Variants in ZNF423 observed in about 807,000 individuals in gnomAD.
ZNF423 encodes the protein zinc finger protein 423.
A neutral mutation model predicts 95.8 loss-of-function variants in ZNF423; 12 were observed. The ratio of observed to expected loss-of-function variants is 0.13; its 90% CI spans 0.08 to 0.20. ZNF423 has a LOEUF of 0.20. Ranked by LOEUF, ZNF423 falls within the 10% of genes least tolerant of loss-of-function variation. ZNF423 has a pLI of 1.00. For missense variants in ZNF423, 1,316 were observed against 1,737.1 expected (o/e 0.76, Z 4.31); for synonymous variants, 749 against 711.9 (o/e 1.05, Z -0.83).
rs546244717 is a variant in ZNF423 at position 49,704,304 on chromosome 16, C to G, written c.301+26467G>C. Among the ~76,000 whole-genome samples, 100 of 152,242 alleles carry G rather than the reference C, an allele frequency of 6.6e-4. 1 individual carries two copies. The highest frequency in any genetic ancestry group is 2.4e-3 in the African/African-American group (98 of 41,556). On this transcript the variant is annotated intron_variant, in intron 3 of 7. Transcript: ENST00000563137. ...CCACGAAAACTCCCACTAAGCATGC[C>G]ACACCTATAACAGGAAATCCAGAGG...
chr16:49,530,443 C>T (rs1968797592), intron 5 of ZNF423, among the ~76,000 whole-genome samples: 3 of 152,174 alleles, frequency 2.0e-5, no homozygotes, highest in Non-Finnish European at 2.9e-5. Flanking sequence ...TCATTCCCTC[C>T]GTCCCTCCCT....
chr16:49,708,013 C>T (rs1224960213), intron 3 of ZNF423: 3 of 154,318 alleles, frequency 1.9e-5, no homozygotes, highest in Non-Finnish European at 4.4e-5. Context: ...GGCAAAACAT[C>T]TGGAGTTCAT....
chr16:49,840,751 G>A (rs2035174455), intron 1 of ZNF423, among the ~76,000 whole-genome samples: 2 of 152,030 alleles, frequency 1.3e-5, no homozygotes, highest in Non-Finnish European at 2.9e-5. Flanking sequence ...TCACACACAT[G>A]CACACACATA....
intron 5 of ZNF423, among the ~76,000 whole-genome samples, chr16:49,554,114 C>T (rs1969742098): frequency 6.6e-6 from 1 of 152,190 alleles, no homozygotes; most frequent in African/African-American, 2.4e-5. Flanking sequence ...GAACAGGATG[C>T]ATCCATGCTG....
At chr16:49,791,036 TTCC>T (rs1369306327) in intron 1 of ZNF423, among the ~76,000 whole-genome samples, 1 of 147,526 alleles carries the variant, frequency 6.8e-6, no homozygotes, top group Non-Finnish European at 1.5e-5. Context: ...AACCATGGTC[TTCC>T]TCCTCCCCAA....
intron 1 of ZNF423, among the ~76,000 whole-genome samples, chr16:49,822,119 T>G (rs564599082): frequency 6.6e-6 from 1 of 151,712 alleles, no homozygotes; most frequent in East Asian, 1.9e-4. Context: ...CAGGAGACTG[T>G]GGGAGTATTT....
intron 3 of ZNF423, among the ~76,000 whole-genome samples, chr16:49,652,081 C>T (rs1324423722): frequency 2.0e-5 from 3 of 152,068 alleles, no homozygotes; most frequent in Non-Finnish European, 4.4e-5. Flanking sequence ...GTACTGGGAG[C>T]CATCCATGGC....
chr16:49,734,215 C>T (rs557322790), intron 2 of ZNF423, among the ~76,000 whole-genome samples: 1 of 152,180 alleles, frequency 6.6e-6, no homozygotes, highest in Non-Finnish European at 1.5e-5. Flanking sequence ...ATGATTGGAC[C>T]TTCCCTACTC....
At chr16:49,747,211 G>A (rs1416474767) in intron 2 of ZNF423, among the ~76,000 whole-genome samples, 4 of 152,102 alleles carry the variant, frequency 2.6e-5, no homozygotes, top group Admixed American at 1.3e-4. Context: ...ACAGCAGATC[G>A]ATAGATAGAT....
In ZNF423 at chr16:49,775,383, C is replaced by T. The variant is rs147279473; in HGVS notation, c.100+14104G>A. Among the ~76,000 whole-genome samples the T allele has an allele frequency of 7.9e-5, 12 of 152,264 alleles. No individual in the cohort carries two copies. In the East Asian group the frequency reaches 2.1e-3, roughly 27 times the overall value. On this transcript the variant is annotated intron_variant, in intron 2 of 7. Transcript: ENST00000563137. ...AGGCTCAAAGGCATCCTGACCCTTC[C>T]CTTAGGTTTTGACATAATTAGTCTC...
intron 5 of ZNF423, among the ~76,000 whole-genome samples, chr16:49,537,910 C>T (rs1239604217): frequency 6.6e-6 from 1 of 152,190 alleles, no homozygotes; most frequent in Non-Finnish European, 1.5e-5. Flanking sequence ...GTGGGCCCAG[C>T]ACACAGGGAC....
intron 1 of ZNF423, among the ~76,000 whole-genome samples, chr16:49,812,745 T>C (rs1262198963): frequency 6.6e-6 from 1 of 152,176 alleles, no homozygotes; most frequent in Non-Finnish European, 1.5e-5. Flanking sequence ...TTTGGAATCA[T>C]TTCTCACAGT....
chr16:49,745,588 G>T (rs1458327036), intron 2 of ZNF423, among the ~76,000 whole-genome samples: 1 of 152,224 alleles, frequency 6.6e-6, no homozygotes, highest in East Asian at 1.9e-4. Flanking sequence ...CTATTGTGAA[G>T]ACATTTTTGA....
At chr16:49,764,513 G>T (rs2033891118) in intron 2 of ZNF423, 1 of 152,254 alleles carries the variant, frequency 6.6e-6, no homozygotes, top group African/African-American at 2.4e-5. Flanking sequence ...GACCGTGAAA[G>T]GTGCGTGCGG....
At position 49,596,018 on chromosome 16, in the gene ZNF423, A is replaced by G. The variant is rs971359115; in HGVS notation, c.3601+30152T>C. ...AAAAGGTGCCAAATCTTAAATGAAG[A>G]AAAAAAAATGATTCACTAGAAATTA... On this transcript the variant is annotated intron_variant, in intron 5 of 7. Transcript: ENST00000563137. Among the ~76,000 whole-genome samples the G allele has an allele frequency of 4.6e-5, 7 of 151,708 alleles. No individual in the cohort carries two copies. In the South Asian group the frequency reaches 1.0e-3, roughly 23 times the overall value.
chr16:49,643,022 T>C (rs1014756059), intron 3 of ZNF423, among the ~76,000 whole-genome samples: 1 of 152,088 alleles, frequency 6.6e-6, no homozygotes, highest in South Asian at 2.1e-4. Flanking sequence ...GGTTTCACCA[T>C]GTTGGCCAGG....
Position 49,637,150 on chromosome 16 carries a change from T to C in ZNF423, c.2026A>G (p.Lys676Glu), listed in dbSNP as rs1555515341. 7 of 1,613,676 alleles carry C rather than the reference T, an allele frequency of 4.3e-6. No homozygotes were observed. The highest frequency in any genetic ancestry group is 5.9e-6 in the Non-Finnish European group (7 of 1,180,006). The part of the protein sequence containing the change: ...LLRKQACPQC[K>E]EDFDSQESLL... ...GACTCCTGGGAGTCAAAGTCCTCTT[T>C]GCACTGGGGGCACGCTTGCTTCCGC... Residue 676 changes from lysine (K) to glutamate (E), a missense_variant, in exon 4 of 8, where the codon AAA becomes GAA. Lys to Glu is a moderately conservative substitution (Grantham distance 56, BLOSUM62 1). Around this residue, in one of 6 missense-constraint regions of ZNF423, gnomAD observed 620 missense variants for 775.6 expected, o/e 0.80. Coordinates refer to ENST00000563137, the MANE Select transcript of ZNF423 (RefSeq NM_001379286.1). This position sits in a 1 kb window ranked among gnomAD's most constrained non-coding sequence, Gnocchi z 5.6.
In ZNF423 at chr16:49,637,654, G is replaced by A. The variant is rs376465155; in HGVS notation, c.1522C>T (p.Arg508Cys). The A allele has an allele frequency of 3.4e-5, 55 of 1,614,094 alleles. No individual in the cohort carries two copies. Among genetic ancestry groups the A allele is most frequent in the Admixed American group, 3.0e-4 (18 of 60,028 alleles). The part of the protein sequence containing the change: ...ADINSLQEHI[R>C]VSHCGPNANP... Reference sequence around the variant, plus strand: ...GCGTTGGGGCCGCAGTGGGAGACGCGGATGTGCTCCTGCAGGCTATTGATG... The same window carrying A: ...GCGTTGGGGCCGCAGTGGGAGACGCAGATGTGCTCCTGCAGGCTATTGATG... Residue 508 changes from arginine to cysteine, a missense_variant, in exon 4 of 8, where the codon CGC (arginine) becomes TGC (cysteine). By Grantham distance (180) the Arg-to-Cys change is radical. Around this residue, in one of 6 missense-constraint regions of ZNF423, gnomAD observed 399 missense variants for 478.5 expected, o/e 0.83. Transcript: ENST00000563137. The surrounding 1 kb of genome is among the most constrained non-coding windows in gnomAD (Gnocchi z 5.6).
At chr16:49,690,728 G>A (rs78005923) in intron 3 of ZNF423, among the ~76,000 whole-genome samples, 2,686 of 152,208 alleles carry the variant, frequency 0.018, 91 homozygotes, top group African/African-American at 0.062. Context: ...CCCGACAGGC[G>A]GTGCCTCCTG....
Sources: gnomAD v4.1 joint callset for allele counts (sites outside exome capture counted in the v4.1 genomes callset) on GRCh38, gnomAD v4.1.1 for gene constraint, gnomAD v4.1.1 regional missense constraint, Gnocchi (gnomAD v3.1) non-coding constraint, MANE v1.5 for transcripts, NCBI Gene and HGNC (gene_info 2026-07-23, HGNC 2026-07-21) for gene names.